Variants in PLA2G4C observed in about 807,000 individuals in gnomAD.
PLA2G4C encodes the protein cytosolic phospholipase A2 gamma.
Under a neutral mutation model 73.8 loss-of-function variants are expected in PLA2G4C, and 64 were observed. The ratio of observed to expected loss-of-function variants is 0.87; its 90% CI spans 0.71 to 1.07. The LOEUF (loss-of-function observed/expected upper bound fraction) is 1.07, where lower values mean the gene tolerates loss of function less well. Ranked by LOEUF, PLA2G4C falls within the 50% of genes least tolerant of loss-of-function variation. The probability of loss-of-function intolerance (pLI) is 0.00; values close to 1 mark genes in which losing one functional copy is unlikely to be tolerated. For synonymous variants in PLA2G4C, 254 were observed against 252.1 expected, an observed-to-expected ratio of 1.01 and a Z score of -0.07; for missense variants, 622 against 665.4, an observed-to-expected ratio of 0.93 and a Z score of 0.72.
chr19:48,095,115 C>T (rs1437211537), intron 7 of PLA2G4C, among the ~76,000 whole-genome samples: 1 of 152,104 alleles, frequency 6.6e-6, no homozygotes, highest in African/African-American at 2.4e-5. Context: ...CTCAAACTCC[C>T]AGTCTCAAGG....
At chr19:48,100,054 T>G in intron 4 of PLA2G4C, 194 bp from the exon 5 acceptor site, 2 of 488,486 alleles carry the variant, frequency 4.1e-6, no homozygotes, top group Non-Finnish European at 7.2e-6. Context: ...CTCAAAATCA[T>G]CTGGGACAAT....
At chr19:48,076,832 T>C (rs1206674520) in intron 11 of PLA2G4C, among the ~76,000 whole-genome samples, 4 of 152,170 alleles carry the variant, frequency 2.6e-5, no homozygotes, top group African/African-American at 9.7e-5. Flanking sequence ...CAAGTTGCCC[T>C]GGAGGAACAC....
intron 4 of PLA2G4C, 61 bp downstream of exon 4, chr19:48,104,527 G>C: frequency 6.5e-7 from 1 of 1,543,030 alleles, no homozygotes; most frequent in Non-Finnish European, 8.9e-7. Flanking sequence ...TTGGTGTCAG[G>C]AGGAAAAAAA....
chr19:48,091,340 C>G (rs2031284893), intron 7 of PLA2G4C, among the ~76,000 whole-genome samples: 1 of 152,112 alleles, frequency 6.6e-6, no homozygotes, highest in Admixed American at 6.5e-5. Flanking sequence ...CATGCACCAC[C>G]ACGCCCTGCT....
rs552999055 is a variant in PLA2G4C, at chr19:48,105,399, C to T, written c.54G>A (p.Ala18=). The change falls in exon 3 of 17, where the codon GCG becomes GCA. Residue 18 remains alanine (A), a synonymous_variant. Coordinates refer to ENST00000599921, the MANE Select transcript of PLA2G4C (RefSeq NM_003706.3). ...CATGAAGTCTTCGTCTCTCCACGGC[C>T]GCCTTTTCTTCTTTCTGGAGCCCAG... ...IIPGLQKEEK[A]AVERRRLHVL... 63 of 1,613,962 alleles carry T rather than the reference C, an allele frequency of 3.9e-5. 1 individual carries two copies. The South Asian group carries it at 4.1e-4, about 10-fold the overall frequency.
At chr19:48,061,970 G>T (rs1264948479) in intron 14 of PLA2G4C, 28 bp downstream of exon 14, 3 of 1,611,542 alleles carry the variant, frequency 1.9e-6, no homozygotes, top group Admixed American at 3.3e-5. Flanking sequence ...TCCCACCCAG[G>T]ACCGGCCCCA....
chr19:48,059,988 C>G (rs2122468653), intron 14 of PLA2G4C, among the ~76,000 whole-genome samples: 1 of 151,960 alleles, frequency 6.6e-6, no homozygotes, highest in African/African-American at 2.4e-5. Context: ...CCAGGCTGGT[C>G]TCGAACTCCT....
chr19:48,063,782 C>G (rs1418541652), intron 13 of PLA2G4C: 1 of 151,550 alleles, frequency 6.6e-6, no homozygotes, highest in Non-Finnish European at 1.5e-5. Context: ...AATATCCACC[C>G]AGAGCTTAAG....
intron 1 of PLA2G4C, among the ~76,000 whole-genome samples, chr19:48,110,172 C>T (rs1029708530): frequency 1.3e-5 from 2 of 150,288 alleles, no homozygotes; most frequent in Non-Finnish European, 1.5e-5. Flanking sequence ...ATGGTGAAAC[C>T]CCATCTCTAC....
At chr19:48,061,218 G>GT (rs1210746388) in intron 14 of PLA2G4C, 2 of 149,828 alleles carry the variant, frequency 1.3e-5, no homozygotes, top group Non-Finnish European at 3.0e-5. Flanking sequence ...AGCCCAGGAG[G>GT]TTGAGGCTGC....
intron 7 of PLA2G4C, among the ~76,000 whole-genome samples, chr19:48,092,158 T>G (rs147632596): frequency 0.049 from 7,457 of 152,158 alleles, 243 homozygotes; most frequent in Non-Finnish European, 0.072. Flanking sequence ...CAAGAGATTC[T>G]CCTGCCTCAG....
At chr19:48,086,534 G>A (rs1294255667) in intron 9 of PLA2G4C, among the ~76,000 whole-genome samples, 2 of 151,838 alleles carry the variant, frequency 1.3e-5, no homozygotes, top group African/African-American at 2.4e-5. Flanking sequence ...CCTGCCACCC[G>A]CCCTGGTGGC....
intron 10 of PLA2G4C, among the ~76,000 whole-genome samples, chr19:48,082,742 A>G (rs1442783642): frequency 1.3e-5 from 2 of 148,826 alleles, no homozygotes; most frequent in African/African-American, 5.0e-5. Context: ...CAAGTGATCC[A>G]CCCACCTCAA....
intron 4 of PLA2G4C, 43 bp from the exon 5 acceptor site, chr19:48,099,903 G>T: frequency 7.2e-7 from 1 of 1,390,984 alleles, no homozygotes; most frequent in Non-Finnish European, 1.0e-6. Flanking sequence ...TTTTAAGTGT[G>T]GACGATGAAG....
At chr19:48,063,460 A>C (rs1361754488) in intron 13 of PLA2G4C, among the ~76,000 whole-genome samples, 3 of 152,148 alleles carry the variant, frequency 2.0e-5, no homozygotes, top group Non-Finnish European at 4.4e-5. Flanking sequence ...GGCAGTTCCC[A>C]GCTTGACTTT....
intron 5 of PLA2G4C, among the ~76,000 whole-genome samples, chr19:48,098,991 T>G (rs2031761652): frequency 6.6e-6 from 1 of 151,796 alleles, no homozygotes; most frequent in African/African-American, 2.4e-5. Flanking sequence ...TCCCAGCACT[T>G]CGGGAGGCTG....
intron 9 of PLA2G4C, among the ~76,000 whole-genome samples, chr19:48,086,075 C>A (rs982550700): frequency 1.3e-5 from 2 of 152,184 alleles, no homozygotes; most frequent in Non-Finnish European, 2.9e-5. Context: ...TGGAGGTGAA[C>A]TTCTCCACCC....
intron 14 of PLA2G4C, among the ~76,000 whole-genome samples, chr19:48,056,472 C>G (rs1044087055): frequency 6.7e-6 from 1 of 150,092 alleles, no homozygotes; most frequent in East Asian, 2.0e-4. Context: ...CGCTTGAACC[C>G]GGGAGGCAGA....
At chr19:48,074,612 T>G in intron 12 of PLA2G4C, 155 bp downstream of exon 12, 142 of 648,578 alleles carry the variant, frequency 2.2e-4, no homozygotes, top group East Asian at 4.9e-4. Context: ...CATTCCAACA[T>G]GAGATGTGGA....
Sources: allele counts gnomAD v4.1 joint callset (sites outside exome capture counted in the v4.1 genomes callset), GRCh38; gene constraint gnomAD v4.1.1; transcripts MANE v1.5; gene names NCBI Gene and HGNC (gene_info 2026-07-23, HGNC 2026-07-21).